CNTNAP5: variants seen among roughly 807,000 people sequenced by gnomAD.
The protein encoded by CNTNAP5 is contactin associated protein family member 5.
CNTNAP5 carries 72 observed loss-of-function variants against 150.2 expected under a neutral mutation model. That is an observed-to-expected ratio of 0.48 (90% CI 0.40 to 0.58). CNTNAP5 has a LOEUF of 0.58. Among genes scored for constraint, CNTNAP5 ranks in the 20% least tolerant of loss-of-function variants. The probability of loss-of-function intolerance (pLI) is 0.00; values close to 1 mark genes in which losing one functional copy is unlikely to be tolerated. For synonymous variants in CNTNAP5, 672 were observed against 619.8 expected (o/e 1.08, Z -1.25); for missense variants, 1,636 against 1,626.2 (o/e 1.01, Z -0.10).
rs150784825 is a variant in CNTNAP5 at position 124,296,607 on chromosome 2, C to A, written c.381+54214C>A. Among the ~76,000 whole-genome samples, 86 of 152,320 alleles carry A rather than the reference C, an allele frequency of 5.6e-4. No homozygotes were observed. The East Asian group carries it at 0.015, about 26-fold the overall frequency. ...TTTTGTCATTCATGCTTTTGAAAGT[C>A]ATTCCAAAGTGCCATCCAATTACCT... On this transcript the variant is annotated intron_variant, in intron 3 of 23. Transcript: ENST00000682447.
intron 1 of CNTNAP5, among the ~76,000 whole-genome samples, chr2:124,126,097 A>G (rs1242602403): frequency 6.6e-6 from 1 of 152,126 alleles, no homozygotes; most frequent in African/African-American, 2.4e-5. Flanking sequence ...GACACAAAAA[A>G]CCCTTCAAAA....
chr2:124,865,277 A>G, intron 19 of CNTNAP5, 29 bp from the exon 20 acceptor site: 1 of 1,537,354 alleles, frequency 6.5e-7, no homozygotes, highest in Non-Finnish European at 8.8e-7. Flanking sequence ...GCTGCTTTAT[A>G]TTCTAATTTC....
intron 19 of CNTNAP5, among the ~76,000 whole-genome samples, chr2:124,831,482 T>A (rs1416221044): frequency 6.6e-6 from 1 of 151,560 alleles, no homozygotes; most frequent in African/African-American, 2.4e-5. Flanking sequence ...CTCAAAATGA[T>A]GCATTTTTAT....
At chr2:124,752,093 C>T (rs1680739567) in intron 14 of CNTNAP5, among the ~76,000 whole-genome samples, 1 of 152,056 alleles carries the variant, frequency 6.6e-6, no homozygotes, top group African/African-American at 2.4e-5. Flanking sequence ...AGTAAGGATG[C>T]TAGAGAGAAC....
At chr2:124,726,263 G>T (rs1163890326) in intron 13 of CNTNAP5, among the ~76,000 whole-genome samples, 16 of 152,110 alleles carry the variant, frequency 1.1e-4, no homozygotes, top group Admixed American at 1.0e-3. Flanking sequence ...TGCATCTCAA[G>T]TTGTAATCCC....
chr2:124,447,092 G>A (rs1692840178), intron 6 of CNTNAP5, among the ~76,000 whole-genome samples, 155 bp downstream of exon 6: 1 of 152,146 alleles, frequency 6.6e-6, no homozygotes, highest in African/African-American at 2.4e-5. Context: ...AGTCAACAAG[G>A]AAAGGAGTGC....
At chr2:124,911,930 G>A (rs573653347) in intron 23 of CNTNAP5, among the ~76,000 whole-genome samples, 1 of 152,224 alleles carries the variant, frequency 6.6e-6, no homozygotes, top group East Asian at 1.9e-4. Context: ...TGAAGCCGCA[G>A]TCCTGTGGAG....
chr2:124,832,347 T>C (rs375618686), intron 19 of CNTNAP5, among the ~76,000 whole-genome samples: 25 of 152,110 alleles, frequency 1.6e-4, no homozygotes, highest in African/African-American at 5.5e-4. Flanking sequence ...TACAGAATAA[T>C]ACACATACAT....
Position 124,527,366 on chromosome 2 carries a change from A to T in CNTNAP5, c.1559A>T (p.Asp520Val). ...GGCTGCATGAGGCTCATCTTTATTG[A>T]TAACCAGCCCAAGGACCTCATTTCA... ...FQGCMRLIFI[D>V]NQPKDLISVQ... Residue 520 changes from aspartate to valine, a missense_variant, in exon 10 of 24, where the codon GAT (aspartate) becomes GTT (valine). By Grantham distance (152) the Asp-to-Val change is radical. Coordinates refer to ENST00000682447, the MANE Select transcript of CNTNAP5 (RefSeq NM_001367498.1). The T allele has an allele frequency of 6.2e-7, 1 of 1,613,664 alleles. No homozygotes were observed. Among genetic ancestry groups the T allele is most frequent in the Non-Finnish European group, 8.5e-7 (1 of 1,179,632 alleles).
At chr2:124,375,470 G>T (rs1004277815) in intron 3 of CNTNAP5, among the ~76,000 whole-genome samples, 1 of 152,012 alleles carries the variant, frequency 6.6e-6, no homozygotes, top group Non-Finnish European at 1.5e-5. Flanking sequence ...CAAACTGAGG[G>T]GCATTCTATA....
chr2:124,706,548 A>G (rs944128462), intron 13 of CNTNAP5, among the ~76,000 whole-genome samples: 1 of 151,906 alleles, frequency 6.6e-6, no homozygotes, highest in Non-Finnish European at 1.5e-5. Flanking sequence ...GGAGTTCAAG[A>G]CCAGCTTGGC....
At chr2:124,227,640 A>ATG (rs200129722) in intron 2 of CNTNAP5, among the ~76,000 whole-genome samples, 22,783 of 143,006 alleles carry the variant, frequency 0.16, 1,735 homozygotes, top group Middle Eastern at 0.23. Flanking sequence ...CATCGTGTGT[A>ATG]TGTGTGTGTG....
chr2:124,383,598 GT>G (rs1420475279), intron 3 of CNTNAP5, among the ~76,000 whole-genome samples: 15 of 152,118 alleles, frequency 9.9e-5, no homozygotes, highest in African/African-American at 3.6e-4. Context: ...TGAACTACAA[GT>G]AAACTCTGCC....
At chr2:124,150,791 ACATAC>A (rs1353770931) in intron 1 of CNTNAP5, among the ~76,000 whole-genome samples, 2 of 152,238 alleles carry the variant, frequency 1.3e-5, no homozygotes, top group African/African-American at 4.8e-5. Context: ...TCCCATCTTT[ACATAC>A]CATCACATTG....
At chr2:124,313,992 T>A (rs1469271083) in intron 3 of CNTNAP5, among the ~76,000 whole-genome samples, 1 of 152,230 alleles carries the variant, frequency 6.6e-6, no homozygotes. Flanking sequence ...GAAAATATAC[T>A]GCATTATATT....
In CNTNAP5 at chr2:124,647,698, A is replaced by G. The variant is rs900994476; in HGVS notation, c.1877-60A>G. 6.1e-6 allele frequency: 9 copies of G among 1,483,958 alleles called. No individual in the cohort carries two copies. The African/African-American group carries it at 1.1e-4, about 18-fold the overall frequency. The allele number at this position is 1,483,958 out of a possible 1,614,324, so 91.9% of individuals were successfully genotyped here. ...CTGAGTGGCCCATCACACTGCTCAC[A>G]TGCTCCATTTTTGACATTGCTTCTA... On this transcript the variant is annotated intron_variant, in intron 12 of 23. Coordinates refer to ENST00000682447, the MANE Select transcript of CNTNAP5 (RefSeq NM_001367498.1).
intron 1 of CNTNAP5, among the ~76,000 whole-genome samples, chr2:124,146,479 G>T (rs2104625921): frequency 6.6e-6 from 1 of 151,534 alleles, no homozygotes; most frequent in Admixed American, 6.6e-5. Context: ...AATGTTCACA[G>T]ATTTTTTTTT....
intron 13 of CNTNAP5, among the ~76,000 whole-genome samples, chr2:124,705,297 G>A (rs1679610624): frequency 6.6e-6 from 1 of 152,130 alleles, no homozygotes; most frequent in African/African-American, 2.4e-5. Context: ...GGAGGCCGAG[G>A]CAGGGGGATC....
intron 8 of CNTNAP5, among the ~76,000 whole-genome samples, chr2:124,516,094 A>T (rs920735423): frequency 5.3e-5 from 8 of 152,204 alleles, no homozygotes; most frequent in East Asian, 1.9e-4. Context: ...ATTTGAAGGC[A>T]TATGTGAACT....
Sources: allele counts gnomAD v4.1 joint callset (sites outside exome capture counted in the v4.1 genomes callset), GRCh38; gene constraint gnomAD v4.1.1; transcripts MANE v1.5; gene names NCBI Gene and HGNC (gene_info 2026-07-23, HGNC 2026-07-21).